HIBADH: variants seen among roughly 807,000 people sequenced by gnomAD.
HIBADH encodes 3-hydroxyisobutyrate dehydrogenase, mitochondrial.
A neutral mutation model predicts 36.1 loss-of-function variants in HIBADH; 25 were observed. That is an observed-to-expected ratio of 0.69 (90% CI 0.50 to 0.97). The LOEUF is 0.97. Among genes scored for constraint, HIBADH ranks in the 50% least tolerant of loss-of-function variants. The pLI, the probability that HIBADH is intolerant of heterozygous loss-of-function variation, is 0.00. For synonymous variants in HIBADH, 160 were observed against 149.5 expected (o/e 1.07, Z -0.51); for missense variants, 421 against 418.0 (o/e 1.01, Z -0.06).
chr7:27,629,805 G>A (rs897729318), intron 3 of HIBADH, among the ~76,000 whole-genome samples: 4 of 152,070 alleles, frequency 2.6e-5, no homozygotes, highest in African/African-American at 9.7e-5. Context: ...AAGCTAAGAT[G>A]TAAGCAATTT....
rs1020986173 is a variant in HIBADH at position 27,634,583 on chromosome 7, C to A, written c.253-2138G>T. Among the ~76,000 whole-genome samples the A allele has an allele frequency of 1.3e-4, 20 of 152,312 alleles. 1 individual carries two copies. The Middle Eastern group carries it at 0.01, about 78-fold the overall frequency. ...TTTGTTCATCCTACTCTAATAAACA[C>A]AATGCAAAACAATGGCATACTTTCC... is the stretch of plus-strand genomic sequence containing the variant. On this transcript the variant is annotated intron_variant, in intron 2 of 7. Coordinates refer to ENST00000265395, the MANE Select transcript of HIBADH (RefSeq NM_152740.4).
chr7:27,638,352 C>G (rs1020875569), intron 2 of HIBADH, among the ~76,000 whole-genome samples: 11 of 138,506 alleles, frequency 7.9e-5, no homozygotes, highest in Non-Finnish European at 1.2e-4. Flanking sequence ...GAAAGGACTC[C>G]CTATTCAATA....
chr7:27,607,822 C>T lies in HIBADH; in HGVS notation c.484+21549G>A, dbSNP rs985335081. On this transcript the variant is annotated intron_variant, in intron 4 of 7. Transcript: ENST00000265395. ...AGTGCATAGAAAAATACTTTTCTTC[C>T]CGTTTCTTAATTTTCACAAAGTTTT... Among the ~76,000 whole-genome samples the T allele has an allele frequency of 5.3e-5, 8 of 152,112 alleles. No individual in the cohort carries two copies. In the South Asian group the frequency reaches 6.2e-4, roughly 12 times the overall value.
chr7:27,594,456 A>C (rs538492813), intron 4 of HIBADH, among the ~76,000 whole-genome samples: 1 of 152,296 alleles, frequency 6.6e-6, no homozygotes, highest in South Asian at 2.1e-4. Context: ...AGAAAACTTT[A>C]AAGTCCTAGT....
chr7:27,543,149 A>C, intron 4 of HIBADH, 49 bp from the exon 5 acceptor site: 5 of 1,600,394 alleles, frequency 3.1e-6, no homozygotes, highest in Non-Finnish European at 4.3e-6. Flanking sequence ...TATATTTCTT[A>C]AAATGTTTAG....
rs112367930 is a variant in HIBADH at position 27,568,571 on chromosome 7, C to T, written c.485-25471G>A. On this transcript the variant is annotated intron_variant, in intron 4 of 7. Coordinates refer to ENST00000265395, the MANE Select transcript of HIBADH (RefSeq NM_152740.4). ...CTCCAGGGTTTAGCCAATTCTCATG[C>T]CTCGGCCTCCCAAGTAGGTGGGATT... is the stretch of plus-strand genomic sequence containing the variant. 9.2e-5 allele frequency among the ~76,000 whole-genome samples: 14 copies of T among 152,274 alleles called. 1 individual carries two copies. Among genetic ancestry groups the T allele is most frequent in the African/African-American group, 3.1e-4 (13 of 41,548 alleles).
At position 27,574,702 on chromosome 7, in the gene HIBADH, G is replaced by C. The variant is rs148044522; in HGVS notation, c.485-31602C>G. ...AGCCACTGGAACTAATACTTGAAAA[G>C]AGCCCCCAAAATATAGTTCAAGTTC... On this transcript the variant is annotated intron_variant, in intron 4 of 7. Transcript: ENST00000265395. 3.2e-3 allele frequency among the ~76,000 whole-genome samples: 492 copies of C among 152,178 alleles called. 6 individuals are homozygous for C. Among genetic ancestry groups the C allele is most frequent in the African/African-American group, 0.011 (463 of 41,500 alleles).
At chr7:27,627,186 A>C (rs777909645) in intron 4 of HIBADH, among the ~76,000 whole-genome samples, 3 of 152,104 alleles carry the variant, frequency 2.0e-5, no homozygotes, top group Non-Finnish European at 4.4e-5. Context: ...CTGACACTGG[A>C]CCTTTTTACC....
intron 2 of HIBADH, among the ~76,000 whole-genome samples, chr7:27,637,824 C>T (rs1321039683): frequency 2.0e-5 from 3 of 152,128 alleles, no homozygotes; most frequent in Non-Finnish European, 4.4e-5. Context: ...ATCAAGAACA[C>T]AATCCCATTC....
At chr7:27,568,161 C>A (rs1047310368) in intron 4 of HIBADH, among the ~76,000 whole-genome samples, 1 of 152,176 alleles carries the variant, frequency 6.6e-6, no homozygotes, top group Non-Finnish European at 1.5e-5. Flanking sequence ...TTCTATAGTT[C>A]TCTCTGGTAT....
At chr7:27,533,769 A>G (rs1248294235) in intron 6 of HIBADH, among the ~76,000 whole-genome samples, 1 of 152,196 alleles carries the variant, frequency 6.6e-6, no homozygotes, top group African/African-American at 2.4e-5. Flanking sequence ...CAAGACAGGT[A>G]TCTGAAAGGG....
In HIBADH at chr7:27,662,694, T is replaced by C; in HGVS notation, c.91+4A>G. The C allele has an allele frequency of 7.4e-7, 1 of 1,348,086 alleles. No individual in the cohort carries two copies. Among genetic ancestry groups the C allele is most frequent in the Non-Finnish European group, 9.6e-7 (1 of 1,042,316 alleles). 83.5% of individuals were successfully genotyped at this position (1,348,086 alleles called of 1,614,324 possible). A position where few individuals can be genotyped will look rare whatever the true frequency, so the allele number is the denominator to read the frequency against. On this transcript the variant is annotated splice_donor_region_variant and intron_variant, in intron 1 of 7. Transcript: ENST00000265395. ...ACAAGGGGGAGGAGGCGTGAGGTCC[T>C]TACCCGCTGCAAAGCTGCCGGCTGC...
At chr7:27,615,423 G>T (rs1251851936) in intron 4 of HIBADH, among the ~76,000 whole-genome samples, 1 of 152,052 alleles carries the variant, frequency 6.6e-6, no homozygotes, top group Admixed American at 6.5e-5. Context: ...TATTAGTAAG[G>T]TCCTTTCTAA....
intron 4 of HIBADH, among the ~76,000 whole-genome samples, chr7:27,567,800 C>T (rs1784569245): frequency 2.0e-5 from 3 of 152,186 alleles, no homozygotes; most frequent in South Asian, 4.1e-4. Flanking sequence ...ATCTGTATTA[C>T]ATTTACATAT....
At chr7:27,568,430 G>A (rs1488946325) in intron 4 of HIBADH, among the ~76,000 whole-genome samples, 1 of 151,416 alleles carries the variant, frequency 6.6e-6, no homozygotes, top group Non-Finnish European at 1.5e-5. Context: ...TTTTCTAGCT[G>A]ATCTCAAACA....
chr7:27,544,471 T>TA (rs1784204990), intron 4 of HIBADH, among the ~76,000 whole-genome samples: 2 of 152,348 alleles, frequency 1.3e-5, no homozygotes, highest in Non-Finnish European at 2.9e-5. Flanking sequence ...ACCCAATTTA[T>TA]AAAAAATGCT....
intron 4 of HIBADH, among the ~76,000 whole-genome samples, chr7:27,555,455 C>G (rs147460189): frequency 5.9e-5 from 9 of 152,140 alleles, no homozygotes; most frequent in Admixed American, 5.9e-4. Flanking sequence ...AGACAAGACT[C>G]AACTTGTCAG....
At chr7:27,644,928 T>A (rs1266015242) in intron 2 of HIBADH, among the ~76,000 whole-genome samples, 1 of 152,230 alleles carries the variant, frequency 6.6e-6, no homozygotes, top group East Asian at 1.9e-4. Context: ...TGGTTTTTTG[T>A]GACTGGCTTC....
chr7:27,555,215 T>C (rs892893722), intron 4 of HIBADH, among the ~76,000 whole-genome samples: 1 of 152,060 alleles, frequency 6.6e-6, no homozygotes, highest in African/African-American at 2.4e-5. Flanking sequence ...AGGCAACCAC[T>C]GCTTAATGGT....
Sources: allele counts gnomAD v4.1 joint callset (sites outside exome capture counted in the v4.1 genomes callset), GRCh38; gene constraint gnomAD v4.1.1; transcripts MANE v1.5; gene names NCBI Gene and HGNC (gene_info 2026-07-23, HGNC 2026-07-21).